Variants in RPS6KA2 observed in about 807,000 individuals in gnomAD.
RPS6KA2 encodes ribosomal protein S6 kinase alpha-2.
A neutral mutation model predicts 91.8 loss-of-function variants in RPS6KA2; 42 were observed. The observed-to-expected ratio is 0.46, with a 90% confidence interval of 0.36 to 0.59. The LOEUF is 0.59. RPS6KA2 is among the 20% of genes least tolerant of loss of function. RPS6KA2 has a pLI of 0.00. For synonymous variants in RPS6KA2, 414 were observed against 393.6 expected, an observed-to-expected ratio of 1.05 and a Z score of -0.61; for missense variants, 798 against 978.5, an observed-to-expected ratio of 0.82 and a Z score of 2.46.
At chr6:166,413,426 T>C (rs1001778809) in intron 20 of RPS6KA2, among the ~76,000 whole-genome samples, 1 of 152,162 alleles carries the variant, frequency 6.6e-6, no homozygotes, top group Non-Finnish European at 1.5e-5. Flanking sequence ...GTCTACACTT[T>C]TCAGAAAAGG....
At chr6:166,719,232 C>T (rs561911222) in intron 2 of RPS6KA2, among the ~76,000 whole-genome samples, 14 of 152,306 alleles carry the variant, frequency 9.2e-5, no homozygotes, top group African/African-American at 3.1e-4. Flanking sequence ...TATAAACTCT[C>T]AGGTTGGGAA....
intron 2 of RPS6KA2, among the ~76,000 whole-genome samples, chr6:166,834,821 T>C (rs1288495424): frequency 2.8e-5 from 2 of 71,646 alleles, no homozygotes; most frequent in Non-Finnish European, 6.4e-5. Flanking sequence ...TTAGTTTGTA[T>C]GGCGTCCTAT....
intron 2 of RPS6KA2, among the ~76,000 whole-genome samples, chr6:166,689,984 C>T (rs553334967): frequency 5.9e-5 from 9 of 152,360 alleles, no homozygotes; most frequent in Middle Eastern, 3.4e-3. Flanking sequence ...GTCCACACTG[C>T]GTTCCCTCCC....
At chr6:166,465,557 C>T (rs745862929) in intron 11 of RPS6KA2, among the ~76,000 whole-genome samples, 4 of 152,194 alleles carry the variant, frequency 2.6e-5, no homozygotes, top group Non-Finnish European at 4.4e-5. Flanking sequence ...CATCACGGAG[C>T]GGGACTGTGC....
intron 10 of RPS6KA2, among the ~76,000 whole-genome samples, chr6:166,482,222 C>G (rs945591295): frequency 6.6e-6 from 1 of 152,182 alleles, no homozygotes; most frequent in South Asian, 2.1e-4. Context: ...TCTGATGAGA[C>G]GGGAGAATGC....
rs1280974051 is a variant in RPS6KA2 at position 166,480,475 on chromosome 6, GATTTT to G, written c.907+8353_907+8357del. 9.2e-3 allele frequency among the ~76,000 whole-genome samples: 561 copies of G among 60,982 alleles called. 22 individuals are homozygous for G. The highest frequency in any genetic ancestry group is 0.012 in the Admixed American group (50 of 4,256). The allele number at this position is 60,982 out of a possible 152,430, so 40.0% of individuals were successfully genotyped here. ...AGAATCTTATATTCCTTAAGATTGT[GATTTT>G]ATATATATATATATATATATATATA... On this transcript the variant is annotated intron_variant, in intron 10 of 20. Coordinates refer to ENST00000265678, the MANE Select transcript of RPS6KA2 (RefSeq NM_021135.6).
chr6:166,723,626 C>T (rs188292485), intron 2 of RPS6KA2, among the ~76,000 whole-genome samples: 4 of 152,200 alleles, frequency 2.6e-5, no homozygotes, highest in Non-Finnish European at 5.9e-5. Flanking sequence ...AAATAAAGTC[C>T]GAACTAACTC....
chr6:166,830,125 CAAAAAA>C (rs34980248), intron 2 of RPS6KA2, among the ~76,000 whole-genome samples: 5 of 99,580 alleles, frequency 5.0e-5, no homozygotes, highest in African/African-American at 2.1e-4. Context: ...AACTCCATTT[CAAAAAA>C]AAAAAAAAAA....
At position 166,726,433 on chromosome 6, in the gene RPS6KA2, G is replaced by A. The variant is rs73788099; in HGVS notation, c.123+131767C>T. 3.8e-3 allele frequency among the ~76,000 whole-genome samples: 578 copies of A among 152,298 alleles called. 3 individuals carry two copies. Among genetic ancestry groups the A allele is most frequent in the African/African-American group, 0.013 (520 of 41,558 alleles). ...CTTAGCAAACTCTTAGTCACCTCCC[G>A]AGAGCCCAGACCCTGTAGCAGAGGC... On this transcript the variant is annotated intron_variant, in intron 2 of 21. Coordinates refer to the RPS6KA2 transcript ENST00000503859. This position sits in a 1 kb window ranked among gnomAD's most constrained non-coding sequence, Gnocchi z 4.4.
At chr6:166,457,677 T>C (rs2061130578) in intron 12 of RPS6KA2, among the ~76,000 whole-genome samples, 1 of 152,124 alleles carries the variant, frequency 6.6e-6, no homozygotes, top group Admixed American at 6.5e-5. Context: ...GTGGCCTGGG[T>C]CAGGAGCTGG....
intron 2 of RPS6KA2, among the ~76,000 whole-genome samples, chr6:166,756,151 G>A (rs1477572598): frequency 1.3e-5 from 2 of 152,052 alleles, no homozygotes; most frequent in African/African-American, 2.4e-5. Flanking sequence ...TTAGCCAGGC[G>A]TGGTGGCAGG....
At position 166,423,271 on chromosome 6, in the gene RPS6KA2, A is replaced by G; in HGVS notation, c.1728T>C (p.Asn576=). 1 of 1,612,040 alleles carries G rather than the reference A, an allele frequency of 6.2e-7. No individual in the cohort carries two copies. ...GAATGCTCACCTCCGGGGCCACGAA[A>G]TTGGCCGTGTAGCAGGGTGTCATGA... ...GLLMTPCYTA[N]FVAPEVLKRQ... The change falls in exon 17 of 21, where the codon AAT becomes AAC. Residue 576 remains asparagine (N), a synonymous_variant. Coordinates refer to ENST00000265678, the MANE Select transcript of RPS6KA2 (RefSeq NM_021135.6). The surrounding 1 kb of genome is among the most constrained non-coding windows in gnomAD (Gnocchi z 4.8).
At chr6:166,592,221 C>T (rs562372874) in intron 1 of RPS6KA2, among the ~76,000 whole-genome samples, 26 of 152,304 alleles carry the variant, frequency 1.7e-4, no homozygotes, top group Non-Finnish European at 2.8e-4. Context: ...GAGAAATCAA[C>T]AGGATAATGA....
At chr6:166,450,679 G>C (rs1429645535) in intron 13 of RPS6KA2, among the ~76,000 whole-genome samples, 1 of 147,734 alleles carries the variant, frequency 6.8e-6, no homozygotes, top group Non-Finnish European at 1.5e-5. Context: ...ACCACCACAG[G>C]GACCACCACA....
intron 2 of RPS6KA2, among the ~76,000 whole-genome samples, chr6:166,714,254 C>T (rs2128581547): frequency 6.6e-6 from 1 of 152,368 alleles, no homozygotes; most frequent in Non-Finnish European, 1.5e-5. Flanking sequence ...ACAGAGACAA[C>T]AGCTTGAATT....
At chr6:166,704,261 A>C (rs1204939566) in intron 2 of RPS6KA2, among the ~76,000 whole-genome samples, 1 of 152,256 alleles carries the variant, frequency 6.6e-6, no homozygotes, top group Non-Finnish European at 1.5e-5. Context: ...AAGGTGACCC[A>C]AGGTCAGTGT....
At chr6:166,551,460 G>A (rs934943072) in intron 1 of RPS6KA2, among the ~76,000 whole-genome samples, 11 of 152,112 alleles carry the variant, frequency 7.2e-5, no homozygotes, top group South Asian at 2.1e-4. Context: ...CTATCCTGAC[G>A]ATTCTTACGA....
At position 166,508,538 on chromosome 6, in the gene RPS6KA2, C is replaced by T. The variant is rs1782348170; in HGVS notation, c.380-256G>A. 2.0e-5 allele frequency among the ~76,000 whole-genome samples: 3 copies of T among 152,124 alleles called. No individual in the cohort carries two copies. Among genetic ancestry groups the T allele is most frequent in the South Asian group, 4.1e-4 (2 of 4,820 alleles). On this transcript the variant is annotated intron_variant, in intron 4 of 20. Coordinates refer to ENST00000265678, the MANE Select transcript of RPS6KA2 (RefSeq NM_021135.6). This position sits in a 1 kb window ranked among gnomAD's most constrained non-coding sequence, Gnocchi z 4.3. ...TTCATCTTTCTTTCCTCTCCCCTCC[C>T]TCCCTTTTTTAATCACAAAGGAATT...
At chr6:166,802,107 C>T (rs1779381608) in intron 2 of RPS6KA2, among the ~76,000 whole-genome samples, 2 of 151,758 alleles carry the variant, frequency 1.3e-5, no homozygotes, top group South Asian at 4.2e-4. Context: ...AATACACACA[C>T]ACACACAAAC....
Sources: gnomAD v4.1 joint callset for allele counts (sites outside exome capture counted in the v4.1 genomes callset) on GRCh38, gnomAD v4.1.1 for gene constraint, Gnocchi (gnomAD v3.1) non-coding constraint, MANE v1.5 for transcripts, NCBI Gene and HGNC (gene_info 2026-07-23, HGNC 2026-07-21) for gene names.